Variants in EIF2D observed in about 807,000 individuals in gnomAD.
The protein encoded by EIF2D is eukaryotic translation initiation factor 2D.
EIF2D carries 56 observed loss-of-function variants against 77.4 expected under a neutral mutation model. The ratio of observed to expected loss-of-function variants is 0.72; its 90% CI spans 0.58 to 0.90. The LOEUF (loss-of-function observed/expected upper bound fraction) is 0.90, where lower values mean the gene tolerates loss of function less well. Ranked by LOEUF, EIF2D falls within the 40% of genes least tolerant of loss-of-function variation. EIF2D has a pLI of 0.00. For synonymous variants in EIF2D, 230 were observed against 271.0 expected, an observed-to-expected ratio of 0.85 and a Z score of 1.49; for missense variants, 574 against 706.5, an observed-to-expected ratio of 0.81 and a Z score of 2.13.
intron 14 of EIF2D, 115 bp from the exon 15 acceptor site, chr1:206,591,960 G>C (rs967439636): frequency 5.1e-6 from 5 of 971,138 alleles, no homozygotes; most frequent in African/African-American, 4.8e-5. Flanking sequence ...ACTCAACTTC[G>C]GGACTGACCA....
chr1:206,570,732 T>C (rs183797054), downstream of EIF2D, among the ~76,000 whole-genome samples: 379 of 152,284 alleles, frequency 2.5e-3, 1 homozygote, highest in Non-Finnish European at 4.4e-3. Context: ...TGTCAGAATT[T>C]CCTTCCCTTT....
In EIF2D at chr1:206,611,283, T is replaced by A. The variant is rs1316554770; in HGVS notation, c.148A>T (p.Ile50Phe). ...ELVPGKEELN[I>F]VKLYAHKGDA... The stretch of plus-strand genomic sequence containing the variant: ...CCTTTGTGAGCATACAACTTCACAA[T>A]GTTGAGCTCCTCCTTTCCAGGTACT... The change falls in exon 2 of 15, where the codon ATT becomes TTT. Residue 50 changes from isoleucine to phenylalanine, a missense_variant. Coordinates refer to ENST00000271764, the MANE Select transcript of EIF2D (RefSeq NM_006893.3). 3 of 1,614,232 alleles carry A rather than the reference T, an allele frequency of 1.9e-6. No individual in the cohort carries two copies. The highest frequency in any genetic ancestry group is 8.5e-7 in the Non-Finnish European group (1 of 1,180,046).
intron 7 of EIF2D, 181 bp from the exon 8 acceptor site, chr1:206,600,489 A>C: frequency 1.7e-6 from 1 of 573,912 alleles, no homozygotes; most frequent in Non-Finnish European, 3.1e-6. Flanking sequence ...GGACATTCTA[A>C]ATCAGTGCTG....
Position 206,599,185 on chromosome 1 carries a change from C to A in EIF2D, c.1203-93G>T, listed in dbSNP as rs550286281. ...GACTCACTCCCTGCTGAGCAGGGAACTTTCCTTAGCTTTCGGCCTCTAGTT... is the reference window on the plus strand; with the variant it reads ...GACTCACTCCCTGCTGAGCAGGGAAATTTCCTTAGCTTTCGGCCTCTAGTT... On this transcript the variant is annotated intron_variant, in intron 10 of 14. Coordinates refer to ENST00000271764, the MANE Select transcript of EIF2D (RefSeq NM_006893.3). This position sits in a 1 kb window ranked among gnomAD's most constrained non-coding sequence, Gnocchi z 4.1. 2.6e-4 allele frequency: 314 copies of A among 1,193,002 alleles called. No individual in the cohort carries two copies. The highest frequency in any genetic ancestry group is 3.6e-4 in the Non-Finnish European group (301 of 830,062). The allele number at this position is 1,193,002 out of a possible 1,614,324, so 73.9% of individuals were successfully genotyped here.
intron 4 of EIF2D, among the ~76,000 whole-genome samples, chr1:206,607,130 T>C (rs1240680795): frequency 2.0e-5 from 3 of 152,232 alleles, no homozygotes; most frequent in African/African-American, 4.8e-5. Context: ...TTGGCAGATC[T>C]GTGTGTTCTT....
At chr1:206,587,837 G>C (rs1669181586), downstream of EIF2D, 1 of 152,610 alleles carries the variant, frequency 6.6e-6, no homozygotes, top group Non-Finnish European at 1.5e-5. Context: ...CAGACAGTAA[G>C]AGAAAGCCAA....
At chr1:206,577,589 T>C (rs1179374418) in intron 4 of EIF2D, among the ~76,000 whole-genome samples, 1 of 152,182 alleles carries the variant, frequency 6.6e-6, no homozygotes, top group East Asian at 1.9e-4. Flanking sequence ...CAACACACAC[T>C]TGTGTTCATC....
chr1:206,607,939 A>T (rs1178219906), intron 4 of EIF2D, among the ~76,000 whole-genome samples: 1 of 152,162 alleles, frequency 6.6e-6, no homozygotes, highest in African/African-American at 2.4e-5. Flanking sequence ...AGCATTTCAG[A>T]ACTCTACTAT....
Position 206,600,314 on chromosome 1 carries a change from G to A in EIF2D, c.903-6C>T. On this transcript the variant is annotated splice_region_variant and splice_polypyrimidine_tract_variant and intron_variant, in intron 7 of 14. Coordinates refer to ENST00000271764, the MANE Select transcript of EIF2D (RefSeq NM_006893.3). ...CCAGTTGTCGTCCTTCGGGGCTGAT[G>A]GCAGATGGAAAAGGCAAATTAAACT... The A allele has an allele frequency of 6.2e-7, 1 of 1,613,706 alleles. No individual in the cohort carries two copies. Among genetic ancestry groups the A allele is most frequent in the Non-Finnish European group, 8.5e-7 (1 of 1,179,732 alleles).
intron 2 of EIF2D, chr1:206,585,082 T>C: frequency 1.2e-6 from 1 of 825,080 alleles, no homozygotes; most frequent in Non-Finnish European, 2.0e-6. Context: ...CTTCCAGTTG[T>C]ACGTACCCCA....
chr1:206,598,979 A>T, intron 11 of EIF2D, 24 bp downstream of exon 11: 1 of 1,611,470 alleles, frequency 6.2e-7, no homozygotes, highest in Non-Finnish European at 8.5e-7. Flanking sequence ...AATAAGACAG[A>T]TCTGGTGCTT....
In EIF2D at chr1:206,584,187, T is replaced by C. The variant is rs1019547116; in HGVS notation, c.139-3025A>G. On this transcript the variant is annotated intron_variant and NMD_transcript_variant, in intron 2 of 5. Coordinates refer to the EIF2D transcript ENST00000472709. This position sits in a 1 kb window ranked among gnomAD's most constrained non-coding sequence, Gnocchi z 4.9. ...CTGCAGCCCCACAGGTCCTCTTTGG[T>C]AGCTGGATCCTGAGGGTCTTCTCCC... Among the ~76,000 whole-genome samples, 1 of 152,132 alleles carries C rather than the reference T, an allele frequency of 6.6e-6. No homozygotes were observed. The highest frequency in any genetic ancestry group is 1.5e-5 in the Non-Finnish European group (1 of 68,012).
Position 206,580,282 on chromosome 1 carries a change from G to A in EIF2D, c.*254+410C>T, listed in dbSNP as rs186040036. Reference sequence around the variant, plus strand: ...CCACAGCACAGCTGCCTTTTCTTACGGGGAAATGGCTCTAGCTTGATTGGA... The same window carrying A: ...CCACAGCACAGCTGCCTTTTCTTACAGGGAAATGGCTCTAGCTTGATTGGA... On this transcript the variant is annotated intron_variant and NMD_transcript_variant, in intron 4 of 5. Transcript: ENST00000472709. 1.1e-3 allele frequency among the ~76,000 whole-genome samples: 169 copies of A among 152,328 alleles called. 1 individual carries two copies. The highest frequency in any genetic ancestry group is 1.2e-3 in the Non-Finnish European group (81 of 68,022).
chr1:206,573,061 A>G (rs1383266288), intron 4 of EIF2D, among the ~76,000 whole-genome samples: 1 of 152,234 alleles, frequency 6.6e-6, no homozygotes, highest in Non-Finnish European at 1.5e-5. Flanking sequence ...TTGGATGATG[A>G]CGCACTAGCT....
chr1:206,608,598 C>T (rs1032171889), intron 3 of EIF2D, among the ~76,000 whole-genome samples: 1 of 152,210 alleles, frequency 6.6e-6, no homozygotes, highest in Non-Finnish European at 1.5e-5. Context: ...AGTGTCCTGG[C>T]CGGGCGCAGT....
intron 12 of EIF2D, among the ~76,000 whole-genome samples, chr1:206,596,133 C>G (rs1553409993): frequency 6.6e-6 from 1 of 152,188 alleles, no homozygotes; most frequent in Non-Finnish European, 1.5e-5. Context: ...ACTGACCTGG[C>G]CTTTTGAGAA....
chr1:206,586,472 A>G (rs1669114641), intron 2 of EIF2D: 1 of 219,632 alleles, frequency 4.6e-6, no homozygotes, highest in African/African-American at 2.4e-5. Context: ...TCCACGTTCC[A>G]CTCCTCCACC....
intron 11 of EIF2D, among the ~76,000 whole-genome samples, chr1:206,597,981 A>G (rs1572394972): frequency 6.6e-6 from 1 of 152,140 alleles, no homozygotes; most frequent in East Asian, 1.9e-4. Flanking sequence ...AAATGAAGGT[A>G]TTAGATTAGG....
intron 4 of EIF2D, chr1:206,572,787 G>A (rs1253984640): frequency 3.3e-5 from 5 of 152,182 alleles, no homozygotes; most frequent in African/African-American, 7.2e-5. Flanking sequence ...TTATACCGAT[G>A]CAATCATAGA....
Sources: gnomAD v4.1 joint callset for allele counts (sites outside exome capture counted in the v4.1 genomes callset) on GRCh38, gnomAD v4.1.1 for gene constraint, Gnocchi (gnomAD v3.1) non-coding constraint, MANE v1.5 for transcripts, NCBI Gene and HGNC (gene_info 2026-07-23, HGNC 2026-07-21) for gene names.